Variants in SHOC1 observed in about 807,000 individuals in gnomAD.
SHOC1 encodes the protein protein shortage in chiasmata 1 ortholog.
A neutral mutation model predicts 179.2 loss-of-function variants in SHOC1; 136 were observed. The observed-to-expected ratio is 0.76, with a 90% CI of 0.66 to 0.87. The LOEUF (loss-of-function observed/expected upper bound fraction) is 0.87. Among genes scored for constraint, SHOC1 ranks in the 40% least tolerant of loss-of-function variants. SHOC1 has a pLI of 0.00. For synonymous variants in SHOC1, 489 were observed against 586.6 expected, an observed-to-expected ratio of 0.83 and a Z score of 2.41; for missense variants, 1,538 against 1,700.8, an observed-to-expected ratio of 0.90 and a Z score of 1.68.
intron 10 of SHOC1, among the ~76,000 whole-genome samples, chr9:111,745,526 C>T (rs919107960): frequency 2.6e-5 from 4 of 152,108 alleles, no homozygotes; most frequent in Middle Eastern, 3.4e-3. Context: ...TTAAACAGGG[C>T]CATTAATACA....
At chr9:111,701,180 A>G (rs1255378601) in intron 23 of SHOC1, among the ~76,000 whole-genome samples, 1 of 152,242 alleles carries the variant, frequency 6.6e-6, no homozygotes, top group Non-Finnish European at 1.5e-5. Context: ...TACTCAAACA[A>G]GAATTAATGG....
chr9:111,761,338 C>T (rs2131578705), intron 5 of SHOC1, among the ~76,000 whole-genome samples: 1 of 152,188 alleles, frequency 6.6e-6, no homozygotes, highest in Admixed American at 6.5e-5. Flanking sequence ...CCCCTCTCTA[C>T]TAAAAATACA....
At chr9:111,789,146 A>G (rs1836364218) in intron 2 of SHOC1, among the ~76,000 whole-genome samples, 1 of 52,086 alleles carries the variant, frequency 1.9e-5, no homozygotes, top group Admixed American at 2.5e-4. Context: ...ATTATTCTCA[A>G]GACTTTAATG....
rs114986426 is a variant in SHOC1, at chr9:111,707,204, T to C, written c.2559-458A>G. Among the ~76,000 whole-genome samples, 997 of 152,134 alleles carry C rather than the reference T, an allele frequency of 6.6e-3. 12 individuals are homozygous for C. The highest frequency in any genetic ancestry group is 0.023 in the African/African-American group (954 of 41,562). ...AAAAAAGATGGACACTTAAATATCA[T>C]AAATTTAGCTTTCTTTTCTAATAAA... On this transcript the variant is annotated intron_variant, in intron 19 of 27. Coordinates refer to ENST00000682961, the MANE Select transcript of SHOC1 (RefSeq NM_001378211.1).
intron 8 of SHOC1, 47 bp downstream of exon 8, chr9:111,756,278 T>G (rs562370755): frequency 1.4e-6 from 2 of 1,473,220 alleles, no homozygotes; most frequent in African/African-American, 2.9e-5. Context: ...GTAACAAACA[T>G]TCTTAAGTGG....
At chr9:111,734,371 T>A (rs1307483094) in intron 12 of SHOC1, among the ~76,000 whole-genome samples, 1 of 152,216 alleles carries the variant, frequency 6.6e-6, no homozygotes, top group Non-Finnish European at 1.5e-5. Flanking sequence ...CAAGACCTCA[T>A]AAAATCTTCT....
intron 27 of SHOC1, 89 bp from the exon 28 acceptor site, chr9:111,686,959 T>TTC: frequency 1.2e-6 from 1 of 807,448 alleles, no homozygotes; most frequent in Non-Finnish European, 1.8e-6. Flanking sequence ...TTTTTTTCTT[T>TTC]TTTGAGATGA....
intron 10 of SHOC1, among the ~76,000 whole-genome samples, chr9:111,742,597 C>T (rs373842325): frequency 5.5e-4 from 84 of 152,262 alleles, no homozygotes; most frequent in African/African-American, 1.7e-3. Context: ...TCATAAACCC[C>T]TTAATCTGTG....
chr9:111,699,305 T>A (rs1275075115), intron 24 of SHOC1, among the ~76,000 whole-genome samples: 1 of 152,128 alleles, frequency 6.6e-6, no homozygotes, highest in African/African-American at 2.4e-5. Context: ...TGTGGGAGGA[T>A]GAGAAGCTGT....
intron 5 of SHOC1, among the ~76,000 whole-genome samples, chr9:111,774,696 CTCTA>C (rs988601524): frequency 5.6e-4 from 85 of 152,194 alleles, no homozygotes; most frequent in African/African-American, 1.9e-3. Context: ...CTCTCTCTCT[CTCTA>C]TATATATATC....
rs1836137795 is a variant in SHOC1, at chr9:111,783,200, A to T, written c.170-2183T>A. On this transcript the variant is annotated intron_variant, in intron 3 of 27. Transcript: ENST00000682961. ...CCATAAGTTAGTCCATCATTTAAAA[A>T]TTTTTCTTCATAGCAAAATTCCCCA... Among the ~76,000 whole-genome samples, 5 of 152,234 alleles carry T rather than the reference A, an allele frequency of 3.3e-5. No individual in the cohort carries two copies. In the South Asian group the frequency reaches 1.0e-3, roughly 31 times the overall value.
At chr9:111,699,626 T>C (rs2131335685) in intron 24 of SHOC1, among the ~76,000 whole-genome samples, 1 of 152,270 alleles carries the variant, frequency 6.6e-6, no homozygotes, top group South Asian at 2.1e-4. Context: ...TCTTAAGAGT[T>C]CCATTTACAG....
chr9:111,780,474 T>G (rs1835996112), intron 4 of SHOC1, among the ~76,000 whole-genome samples: 1 of 152,204 alleles, frequency 6.6e-6, no homozygotes, highest in Non-Finnish European at 1.5e-5. Context: ...TTTATAAAAC[T>G]CTATTCTTTG....
intron 23 of SHOC1, among the ~76,000 whole-genome samples, chr9:111,700,463 G>A (rs1028213202): frequency 6.6e-6 from 1 of 152,134 alleles, no homozygotes; most frequent in Non-Finnish European, 1.5e-5. Context: ...GTTAGAAAAT[G>A]CATCTTTTTC....
chr9:111,693,198 C>T (rs188690946), intron 26 of SHOC1, among the ~76,000 whole-genome samples: 41 of 151,576 alleles, frequency 2.7e-4, no homozygotes, highest in African/African-American at 9.9e-4. Context: ...CCTAGCTGCT[C>T]GGGAGGCTGA....
chr9:111,774,668 A>G (rs980694209), intron 5 of SHOC1, among the ~76,000 whole-genome samples: 4 of 151,964 alleles, frequency 2.6e-5, no homozygotes, highest in Non-Finnish European at 4.4e-5. Flanking sequence ...ATCTCTTCCA[A>G]CTATAAGAGG....
At chr9:111,688,220 G>GT (rs1179241604) in intron 27 of SHOC1, among the ~76,000 whole-genome samples, 3 of 151,992 alleles carry the variant, frequency 2.0e-5, no homozygotes, top group Non-Finnish European at 2.9e-5. Flanking sequence ...TAGAAACAAT[G>GT]TTTTTTTCTG....
chr9:111,731,163 G>A (rs1589418716), intron 12 of SHOC1, among the ~76,000 whole-genome samples: 1 of 152,180 alleles, frequency 6.6e-6, no homozygotes, highest in East Asian at 1.9e-4. Flanking sequence ...GATCTATCTA[G>A]ACCACTCAAA....
Position 111,692,000 on chromosome 9 carries a change from G to T in SHOC1, c.3977C>A (p.Ser1326Tyr), listed in dbSNP as rs1831459574. 1 of 1,613,094 alleles carries T rather than the reference G, an allele frequency of 6.2e-7. No homozygotes were observed. The highest frequency in any genetic ancestry group is 8.5e-7 in the Non-Finnish European group (1 of 1,179,672). ...RVSVVPRFIN[S>Y]QKRRTHEAKG... ...TGCTTCATGTGTTCTCCTTTTCTGA[G>T]AATTTATAAAACGGGGGACAACTGA... is the stretch of plus-strand genomic sequence containing the variant. Residue 1326 changes from serine to tyrosine, a missense_variant, in exon 27 of 28, where the codon TCT (serine) becomes TAT (tyrosine). Transcript: ENST00000682961.
Sources: gnomAD v4.1 joint callset for allele counts (sites outside exome capture counted in the v4.1 genomes callset) on GRCh38, gnomAD v4.1.1 for gene constraint, MANE v1.5 for transcripts, NCBI Gene and HGNC (gene_info 2026-07-23, HGNC 2026-07-21) for gene names.